RELCH: variants seen among roughly 807,000 people sequenced by gnomAD.
RELCH encodes RAB11-binding protein RELCH.
Under a neutral mutation model 150.3 loss-of-function variants are expected in RELCH, and 41 were observed. The observed-to-expected ratio is 0.27, with a 90% CI of 0.21 to 0.35. The LOEUF is 0.35. Among genes scored for constraint, RELCH ranks in the 10% least tolerant of loss-of-function variants. The pLI, the probability that RELCH is intolerant of heterozygous loss-of-function variation, is 1.00. For synonymous variants in RELCH, 478 were observed against 531.8 expected, an observed-to-expected ratio of 0.90 and a Z score of 1.39; for missense variants, 1,092 against 1,467.8, an observed-to-expected ratio of 0.74 and a Z score of 4.18.
At chr18:62,244,568 A>C (rs1355120918) in intron 10 of RELCH, among the ~76,000 whole-genome samples, 196 bp from the exon 11 acceptor site, 1 of 152,206 alleles carries the variant, frequency 6.6e-6, no homozygotes, top group East Asian at 1.9e-4. Context: ...TGTGATTTAC[A>C]TTTCCTCCAC....
At chr18:62,213,729 CAAAAAAAAA>C (rs5825484) in intron 2 of RELCH, among the ~76,000 whole-genome samples, 2 of 80,474 alleles carry the variant, frequency 2.5e-5, no homozygotes, top group South Asian at 5.2e-4. Flanking sequence ...GACTCAGTCT[CAAAAAAAAA>C]AAAAAAAAAA....
chr18:62,300,700 C>T (rs536783237), intron 28 of RELCH: 6 of 152,176 alleles, frequency 3.9e-5, no homozygotes, highest in South Asian at 2.1e-4. Context: ...TATTTCATCC[C>T]GAGAAATAGA....
intron 11 of RELCH, among the ~76,000 whole-genome samples, chr18:62,245,342 G>A (rs2042349371): frequency 6.6e-6 from 1 of 152,042 alleles, no homozygotes; most frequent in South Asian, 2.1e-4. Flanking sequence ...GTTCAGTTTC[G>A]GCCAGGCGCC....
rs918143452 is a variant in RELCH, at chr18:62,267,490, G to A, written c.2680+741G>A. Reference sequence around the variant, plus strand: ...ATATATAGTCTAGGTATATATGTGTGTGTGTGTGTGTGTGTGTGTGTGTGT... The same window carrying A: ...ATATATAGTCTAGGTATATATGTGTATGTGTGTGTGTGTGTGTGTGTGTGT... On this transcript the variant is annotated intron_variant, in intron 19 of 28. Transcript: ENST00000644646. 3.5e-3 allele frequency among the ~76,000 whole-genome samples: 308 copies of A among 88,050 alleles called. 2 individuals carry two copies. Among genetic ancestry groups the A allele is most frequent in the African/African-American group, 0.014 (265 of 19,026 alleles). 57.8% of individuals were successfully genotyped at this position (88,050 alleles called of 152,430 possible).
chr18:62,283,459 G>A (rs930375735), intron 25 of RELCH, among the ~76,000 whole-genome samples: 4 of 152,280 alleles, frequency 2.6e-5, no homozygotes, highest in Admixed American at 2.6e-4. Context: ...ACTTAAATCA[G>A]TTTAGTTTCT....
intron 22 of RELCH, chr18:62,277,474 A>G: frequency 2.1e-6 from 1 of 477,630 alleles, no homozygotes; most frequent in Non-Finnish European, 2.7e-6. Context: ...ATAATGGGTC[A>G]TAAGATTTAT....
At chr18:62,217,539 G>A (rs187459975) in intron 2 of RELCH, among the ~76,000 whole-genome samples, 1 of 152,044 alleles carries the variant, frequency 6.6e-6, no homozygotes, top group East Asian at 1.9e-4. Context: ...TGCCATTATT[G>A]GAGAGACTGC....
intron 28 of RELCH, chr18:62,300,791 C>T (rs1201388113): frequency 6.6e-6 from 1 of 152,174 alleles, no homozygotes; most frequent in African/African-American, 2.4e-5. Context: ...TACTACAAGT[C>T]ATCATGTAAA....
chr18:62,221,222 A>T lies in RELCH; in HGVS notation c.692A>T (p.His231Leu). 6.2e-7 allele frequency: 1 copy of T among 1,610,034 alleles called. No homozygotes were observed. The highest frequency in any genetic ancestry group is 8.5e-7 in the Non-Finnish European group (1 of 1,176,806). The change falls in exon 4 of 29, where the codon CAT (histidine) becomes CTT (leucine). Residue 231 changes from histidine (H) to leucine (L), a missense_variant. Transcript: ENST00000644646. ...LRANLTKAAE[H>L]EVPLQERKNY... ...TACTTATGTTTTTTTCCACCAGAACATGAAGTTCCTTTACAGGAACGAAAA... is the reference window on the plus strand; with the variant it reads ...TACTTATGTTTTTTTCCACCAGAACTTGAAGTTCCTTTACAGGAACGAAAA...
intron 24 of RELCH, among the ~76,000 whole-genome samples, chr18:62,281,322 A>G (rs960658000): frequency 2.0e-5 from 3 of 152,212 alleles, no homozygotes; most frequent in Non-Finnish European, 4.4e-5. Context: ...AGGAACACAA[A>G]TGTATCTCAG....
At chr18:62,263,877 T>C (rs1364565966) in intron 16 of RELCH, 112 bp from the exon 17 acceptor site, 5 of 708,242 alleles carry the variant, frequency 7.1e-6, no homozygotes, top group Non-Finnish European at 1.1e-5. Context: ...AAATTTACAA[T>C]AAGAAAGTAA....
At chr18:62,278,809 G>A (rs2044352285) in intron 22 of RELCH, among the ~76,000 whole-genome samples, 1 of 151,882 alleles carries the variant, frequency 6.6e-6, no homozygotes, top group Non-Finnish European at 1.5e-5. Context: ...GAATTGTTTT[G>A]TGATTAGATT....
At chr18:62,230,487 T>G (rs2041504422) in intron 8 of RELCH, among the ~76,000 whole-genome samples, 1 of 152,094 alleles carries the variant, frequency 6.6e-6, no homozygotes, top group Non-Finnish European at 1.5e-5. Flanking sequence ...TTATCTAATT[T>G]TTGGTGTTAG....
At chr18:62,263,877 TAAGA>T (rs2043405064) in intron 16 of RELCH, 108 bp from the exon 17 acceptor site, 1 of 708,360 alleles carries the variant, frequency 1.4e-6, no homozygotes, top group Non-Finnish European at 2.2e-6. Flanking sequence ...AAATTTACAA[TAAGA>T]AAGTAATTAA....
At chr18:62,263,646 A>G (rs1005336235) in intron 16 of RELCH, among the ~76,000 whole-genome samples, 1 of 152,030 alleles carries the variant, frequency 6.6e-6, no homozygotes, top group Non-Finnish European at 1.5e-5. Flanking sequence ...TATTTTTAGT[A>G]CCAATTTATT....
intron 20 of RELCH, among the ~76,000 whole-genome samples, chr18:62,272,436 A>G (rs1447538040): frequency 6.6e-6 from 1 of 152,130 alleles, no homozygotes. Flanking sequence ...CTCAGAATAG[A>G]TCTGTTGAAT....
rs558504410 is a variant in RELCH at position 62,305,155 on chromosome 18, C to T, written c.3531-259C>T. On this transcript the variant is annotated intron_variant, in intron 28 of 28. Transcript: ENST00000644646. The surrounding 1 kb of genome is among the most constrained non-coding windows in gnomAD (Gnocchi z 4.0). ...TTACAGATGAGATTAAATAATTTAC[C>T]CGAGCTGGTAAACAGAGCCAAGATT... Among the ~76,000 whole-genome samples, 9 of 152,062 alleles carry T rather than the reference C, an allele frequency of 5.9e-5. No homozygotes were observed. The highest frequency in any genetic ancestry group is 1.2e-4 in the Non-Finnish European group (8 of 68,014).
At chr18:62,213,729 C>CAAAAAA (rs5825484) in intron 2 of RELCH, among the ~76,000 whole-genome samples, 7 of 80,444 alleles carry the variant, frequency 8.7e-5, no homozygotes, top group South Asian at 5.2e-4. Flanking sequence ...GACTCAGTCT[C>CAAAAAA]AAAAAAAAAA....
rs199704509 is a variant in RELCH, at chr18:62,189,277, T to TG, written c.526+1246_526+1247insG. Among the ~76,000 whole-genome samples the TG allele has an allele frequency of 3.6e-3, 537 of 149,142 alleles. 7 individuals are homozygous for TG. Among genetic ancestry groups the TG allele is most frequent in the African/African-American group, 1.0e-2 (406 of 40,732 alleles). Reference sequence around the variant, plus strand: ...TTTTTTTGTTTTTTTTTTTTGTTGTTTTTTTTTTTTGGTTTTTGTGTTATT... The same window carrying TG: ...TTTTTTTGTTTTTTTTTTTTGTTGTTGTTTTTTTTTTGGTTTTTGTGTTATT... On this transcript the variant is annotated intron_variant, in intron 1 of 28. Transcript: ENST00000644646.
Sources: gnomAD v4.1 joint callset for allele counts (sites outside exome capture counted in the v4.1 genomes callset) on GRCh38, gnomAD v4.1.1 for gene constraint, Gnocchi (gnomAD v3.1) non-coding constraint, MANE v1.5 for transcripts, NCBI Gene and HGNC (gene_info 2026-07-23, HGNC 2026-07-21) for gene names.